Variants in CLIC4 observed in about 807,000 individuals in gnomAD.
CLIC4 encodes chloride intracellular channel protein 4.
CLIC4 carries 13 observed loss-of-function variants against 24.6 expected under a neutral mutation model. The observed-to-expected ratio is 0.53, with a 90% CI of 0.34 to 0.84. The LOEUF is 0.84. Ranked by LOEUF, CLIC4 falls within the 40% of genes least tolerant of loss-of-function variation. The pLI, the probability that CLIC4 is intolerant of heterozygous loss-of-function variation, is 0.01. For missense variants in CLIC4, 227 were observed against 301.7 expected (o/e 0.75, Z 1.83); for synonymous variants, 104 against 111.3 (o/e 0.93, Z 0.41).
In CLIC4 at chr1:24,787,560, G is replaced by A. The variant is rs149371718; in HGVS notation, c.73-10182G>A. Among the ~76,000 whole-genome samples, 570 of 151,166 alleles carry A rather than the reference G, an allele frequency of 3.8e-3. 1 individual carries two copies. Among genetic ancestry groups the A allele is most frequent in the African/African-American group, 0.013 (526 of 41,202 alleles). On this transcript the variant is annotated intron_variant, in intron 1 of 5. Transcript: ENST00000374379. ...TAATTTTTTTCTTTTTTTTTGATAC[G>A]GAGTCTCACTTTGTCACCCAGGCTG... is the stretch of plus-strand genomic sequence containing the variant.
At chr1:24,801,171 C>G (rs997820954) in intron 2 of CLIC4, among the ~76,000 whole-genome samples, 3 of 152,012 alleles carry the variant, frequency 2.0e-5, no homozygotes, top group African/African-American at 7.2e-5. Context: ...TGCTATTATA[C>G]TGATTTTTAA....
intron 5 of CLIC4, among the ~76,000 whole-genome samples, chr1:24,840,484 A>G (rs564153124): frequency 2.0e-5 from 3 of 152,326 alleles, no homozygotes; most frequent in Admixed American, 6.5e-5. Context: ...CAGATCTAAA[A>G]TAGCATATGT....
intron 1 of CLIC4, among the ~76,000 whole-genome samples, chr1:24,767,376 G>T (rs1188363086): frequency 3.3e-5 from 5 of 152,174 alleles, no homozygotes; most frequent in African/African-American, 4.8e-5. Context: ...TAGGAATGCA[G>T]AATTAAGACC....
At chr1:24,799,646 G>A (rs1458876733) in intron 2 of CLIC4, among the ~76,000 whole-genome samples, 1 of 135,632 alleles carries the variant, frequency 7.4e-6, no homozygotes, top group Non-Finnish European at 1.6e-5. Flanking sequence ...GGGGAGGGAG[G>A]TGGGGGGGGT....
chr1:24,795,177 C>T (rs1053680225), intron 1 of CLIC4, among the ~76,000 whole-genome samples: 1 of 151,988 alleles, frequency 6.6e-6, no homozygotes, highest in African/African-American at 2.4e-5. Context: ...ACCCCTGAAC[C>T]TAAAATAAAA....
chr1:24,749,227 TAAAA>T (rs371078491), intron 1 of CLIC4, among the ~76,000 whole-genome samples: 1 of 135,260 alleles, frequency 7.4e-6, no homozygotes, highest in African/African-American at 2.7e-5. Context: ...AAATAAAAAT[TAAAA>T]AAAAAAAAAA....
intron 2 of CLIC4, among the ~76,000 whole-genome samples, chr1:24,813,777 G>A (rs1413667699): frequency 6.6e-6 from 1 of 151,952 alleles, no homozygotes; most frequent in African/African-American, 2.4e-5. Flanking sequence ...GGAGTGCAGT[G>A]GTGCGATCAT....
At chr1:24,835,850 G>A (rs1264898855) in intron 4 of CLIC4, among the ~76,000 whole-genome samples, 1 of 152,110 alleles carries the variant, frequency 6.6e-6, no homozygotes, top group Admixed American at 6.6e-5. Context: ...GAAGTATATA[G>A]CAGATTTGAA....
intron 1 of CLIC4, among the ~76,000 whole-genome samples, chr1:24,781,223 C>A (rs1469188946): frequency 2.1e-5 from 3 of 146,108 alleles, no homozygotes; most frequent in Admixed American, 6.9e-5. Context: ...CAACCTCTGT[C>A]TCCCTGGTTC....
intron 1 of CLIC4, among the ~76,000 whole-genome samples, chr1:24,758,837 G>A (rs1364607662): frequency 2.0e-5 from 3 of 151,746 alleles, no homozygotes; most frequent in Non-Finnish European, 2.9e-5. Context: ...TTGCTTGCAT[G>A]AATTATTGAG....
At chr1:24,769,067 A>G (rs1639042076) in intron 1 of CLIC4, among the ~76,000 whole-genome samples, 1 of 151,948 alleles carries the variant, frequency 6.6e-6, no homozygotes, top group African/African-American at 2.4e-5. Flanking sequence ...TTGAGGCTGT[A>G]GTGAGCCACT....
At chr1:24,784,713 A>G (rs1305196909) in intron 1 of CLIC4, among the ~76,000 whole-genome samples, 1 of 152,190 alleles carries the variant, frequency 6.6e-6, no homozygotes, top group African/African-American at 2.4e-5. Context: ...TAGCTGTTTT[A>G]TTTATACAGA....
chr1:24,798,860 A>T (rs1019618720), intron 2 of CLIC4, among the ~76,000 whole-genome samples: 46 of 152,228 alleles, frequency 3.0e-4, no homozygotes, highest in Non-Finnish European at 5.6e-4. Context: ...TTGGCCGGGC[A>T]GGTCTCCAGC....
Position 24,813,321 on chromosome 1 carries a change from C to T in CLIC4, c.183-773C>T, listed in dbSNP as rs890518060. On this transcript the variant is annotated intron_variant, in intron 2 of 5. Transcript: ENST00000374379. ...CCTCCCAAAGTGCTGGGATTACAGCCGTGAGCCACCGTGCCCGGCTGAAAA... is the reference window on the plus strand; with the variant it reads ...CCTCCCAAAGTGCTGGGATTACAGCTGTGAGCCACCGTGCCCGGCTGAAAA... Among the ~76,000 whole-genome samples the T allele has an allele frequency of 3.3e-5, 5 of 152,068 alleles. No individual in the cohort carries two copies. The South Asian group carries it at 1.0e-3, about 32-fold the overall frequency.
chr1:24,789,497 G>A (rs1557803170), intron 1 of CLIC4, among the ~76,000 whole-genome samples: 2 of 152,134 alleles, frequency 1.3e-5, no homozygotes, highest in Non-Finnish European at 2.9e-5. Flanking sequence ...CAGCCTGAGT[G>A]ACAGAGCAAG....
rs565030190 is a variant in CLIC4 at position 24,811,251 on chromosome 1, G to A, written c.183-2843G>A. Among the ~76,000 whole-genome samples, 19 of 152,260 alleles carry A rather than the reference G, an allele frequency of 1.2e-4. 1 individual carries two copies. The South Asian group carries it at 3.9e-3, about 32-fold the overall frequency. ...TTGCACATCTTAGAAGAGGTTTCTC[G>A]TGTCTGCTTCTGCATTCATTACCTT... On this transcript the variant is annotated intron_variant, in intron 2 of 5. Coordinates refer to ENST00000374379, the MANE Select transcript of CLIC4 (RefSeq NM_013943.3).
At position 24,745,454 on chromosome 1, in the gene CLIC4, C is replaced by T; in HGVS notation, c.-100C>T. ...GCCAGCTCGACGCCGGACAGTCCAG[C>T]GAGCAGCACGGCGGGAACCGGCAGC... On this transcript the variant is annotated 5_prime_UTR_variant, in exon 1 of 6. Transcript: ENST00000374379. The T allele has an allele frequency of 9.1e-7, 1 of 1,099,654 alleles. No homozygotes were observed. The highest frequency in any genetic ancestry group is 2.9e-5 in the East Asian group (1 of 34,134). 68.1% of individuals were successfully genotyped at this position (1,099,654 alleles called of 1,614,324 possible). A position where few individuals can be genotyped will look rare whatever the true frequency, so the allele number is the denominator to read the frequency against.
intron 1 of CLIC4, among the ~76,000 whole-genome samples, chr1:24,763,181 C>T (rs1173859296): frequency 6.6e-6 from 1 of 152,046 alleles, no homozygotes; most frequent in African/African-American, 2.4e-5. Flanking sequence ...CCAGCTAAGA[C>T]AGGTTCTTCC....
chr1:24,770,998 AG>A (rs1395604284), intron 1 of CLIC4, among the ~76,000 whole-genome samples: 4 of 152,182 alleles, frequency 2.6e-5, no homozygotes, highest in African/African-American at 9.7e-5. Context: ...TTCTCAAATA[AG>A]GACTTTGAAA....
Sources: gnomAD v4.1 joint callset for allele counts (sites outside exome capture counted in the v4.1 genomes callset) on GRCh38, gnomAD v4.1.1 for gene constraint, MANE v1.5 for transcripts, NCBI Gene and HGNC (gene_info 2026-07-23, HGNC 2026-07-21) for gene names.